SKAP1: variants seen among roughly 807,000 people sequenced by gnomAD.
The protein encoded by SKAP1 is src kinase associated phosphoprotein 1, also known as src kinase-associated phosphoprotein 1.
In SKAP1, 44 loss-of-function variants were observed where a neutral mutation model predicts 58.5. The observed-to-expected ratio is 0.75, with a 90% CI of 0.59 to 0.97. The LOEUF is 0.97. Ranked by LOEUF, SKAP1 falls within the 50% of genes least tolerant of loss-of-function variation. The pLI is 0.00. For synonymous variants in SKAP1, 127 were observed against 149.7 expected, an observed-to-expected ratio of 0.85 and a Z score of 1.11; for missense variants, 390 against 435.2, an observed-to-expected ratio of 0.90 and a Z score of 0.92.
chr17:48,327,794 AT>A (rs1478242850), intron 4 of SKAP1, among the ~76,000 whole-genome samples: 1 of 151,408 alleles, frequency 6.6e-6, no homozygotes, highest in Non-Finnish European at 1.5e-5. Flanking sequence ...CCTGGCTAAT[AT>A]TTTTTTCTTC....
intron 7 of SKAP1, 63 bp from the exon 8 acceptor site, chr17:48,182,520 G>A (rs1285193300): frequency 1.7e-6 from 2 of 1,186,986 alleles, no homozygotes; most frequent in African/African-American, 1.5e-5. Context: ...TCTTGACAGG[G>A]ATGTCCAAGG....
chr17:48,231,953 G>A (rs981423247), intron 4 of SKAP1: 2 of 152,196 alleles, frequency 1.3e-5, no homozygotes, highest in Admixed American at 1.3e-4. Context: ...TTTATAATCT[G>A]AGAAACTGAA....
intron 11 of SKAP1, among the ~76,000 whole-genome samples, chr17:48,160,014 T>C (rs955989601): frequency 7.9e-5 from 12 of 152,126 alleles, no homozygotes; most frequent in Non-Finnish European, 1.3e-4. Context: ...AATACAATGG[T>C]ACAGGATGAA....
At position 48,175,525 on chromosome 17, in the gene SKAP1, A is replaced by C. The variant is rs553185428; in HGVS notation, c.826+4529T>G. 4.6e-5 allele frequency among the ~76,000 whole-genome samples: 7 copies of C among 152,362 alleles called. No homozygotes were observed. In the South Asian group the frequency reaches 1.4e-3, roughly 32 times the overall value. On this transcript the variant is annotated intron_variant, in intron 9 of 12. Transcript: ENST00000336915. ...CTCTGTTGTGTATTTGGTTATCTCA[A>C]CTGTTAGCTCAAAATATTCGCATCC...
intron 11 of SKAP1, among the ~76,000 whole-genome samples, chr17:48,138,767 C>T (rs988060064): frequency 6.6e-6 from 1 of 152,082 alleles, no homozygotes; most frequent in Non-Finnish European, 1.5e-5. Context: ...CCACCAGCCT[C>T]GGCCTTGCTA....
At chr17:48,138,648 G>T (rs1195971090) in intron 11 of SKAP1, among the ~76,000 whole-genome samples, 1 of 152,116 alleles carries the variant, frequency 6.6e-6, no homozygotes, top group Non-Finnish European at 1.5e-5. Context: ...GGGATTACAA[G>T]CGTGAGCCAC....
At chr17:48,418,017 G>A (rs527502601) in intron 1 of SKAP1, among the ~76,000 whole-genome samples, 1 of 152,176 alleles carries the variant, frequency 6.6e-6, no homozygotes, top group East Asian at 1.9e-4. Context: ...AAACCAGGGT[G>A]GGTGCAGTGC....
chr17:48,373,360 T>C (rs2067111024), intron 2 of SKAP1, among the ~76,000 whole-genome samples: 1 of 152,140 alleles, frequency 6.6e-6, no homozygotes, highest in Admixed American at 6.5e-5. Context: ...TCTAATCACC[T>C]CCCACCAGGT....
At chr17:48,423,956 T>C (rs2067824757) in intron 1 of SKAP1, among the ~76,000 whole-genome samples, 1 of 151,972 alleles carries the variant, frequency 6.6e-6, no homozygotes, top group Admixed American at 6.6e-5. Flanking sequence ...GTAAAACTAT[T>C]TGTGGAATAA....
chr17:48,415,543 C>T (rs2067722237), intron 1 of SKAP1, among the ~76,000 whole-genome samples: 1 of 152,082 alleles, frequency 6.6e-6, no homozygotes, highest in South Asian at 2.1e-4. Context: ...TTTTCATAGC[C>T]CTCTAAGCCT....
At chr17:48,182,284 G>A in intron 8 of SKAP1, 110 bp downstream of exon 8, 1 of 732,072 alleles carries the variant, frequency 1.4e-6, no homozygotes, top group Non-Finnish European at 2.4e-6. Context: ...GAAAGGTAGA[G>A]GTGAGAAAGG....
intron 1 of SKAP1, among the ~76,000 whole-genome samples, chr17:48,409,066 AG>A (rs1296736840): frequency 6.6e-6 from 1 of 152,248 alleles, no homozygotes; most frequent in East Asian, 1.9e-4. Context: ...ACATCAGGAT[AG>A]GCTGAGCTAC....
At chr17:48,423,658 C>G (rs9902452) in intron 1 of SKAP1, among the ~76,000 whole-genome samples, 1,957 of 152,180 alleles carry the variant, frequency 0.013, 41 homozygotes, top group African/African-American at 0.041. Flanking sequence ...TTATGGTCAA[C>G]AGCACAGTGT....
In SKAP1 at chr17:48,191,687, G is replaced by A. The variant is rs1342285807; in HGVS notation, c.281-2187C>T. ...AGTTATAAAAAGGTAGATCAGAAGA[G>A]CCTCTTTTTCTGTTTTTAAGTGTGT... On this transcript the variant is annotated intron_variant, in intron 4 of 12. Transcript: ENST00000336915. Among the ~76,000 whole-genome samples the A allele has an allele frequency of 1.1e-4, 17 of 152,222 alleles. No homozygotes were observed. The East Asian group carries it at 1.9e-3, about 17-fold the overall frequency.
intron 4 of SKAP1, among the ~76,000 whole-genome samples, chr17:48,238,002 T>C (rs1285237518): frequency 6.6e-6 from 1 of 152,020 alleles, no homozygotes; most frequent in Non-Finnish European, 1.5e-5. Flanking sequence ...GTTTTTTGTT[T>C]TTTGTTTTTG....
intron 9 of SKAP1, among the ~76,000 whole-genome samples, chr17:48,173,988 A>G (rs9893110): frequency 0.16 from 24,458 of 152,240 alleles, 2,665 homozygotes; most frequent in African/African-American, 0.3. Context: ...TGTATTTGCA[A>G]TGATAAAAAT....
At chr17:48,150,787 T>C (rs1284355701) in intron 11 of SKAP1, among the ~76,000 whole-genome samples, 1 of 152,172 alleles carries the variant, frequency 6.6e-6, no homozygotes. Context: ...CGGGTATTTA[T>C]AGGTGGAAAA....
intron 4 of SKAP1, among the ~76,000 whole-genome samples, chr17:48,333,038 T>C (rs1425932026): frequency 6.6e-6 from 1 of 152,196 alleles, no homozygotes; most frequent in East Asian, 1.9e-4. Flanking sequence ...TTGTGAAACC[T>C]TTTACCTAGG....
chr17:48,174,065 T>C (rs996059779), intron 9 of SKAP1, among the ~76,000 whole-genome samples: 2 of 152,170 alleles, frequency 1.3e-5, no homozygotes, highest in Non-Finnish European at 2.9e-5. Flanking sequence ...AATACAAAGA[T>C]GGAACAATAG....
Sources: gnomAD v4.1 joint callset for allele counts (sites outside exome capture counted in the v4.1 genomes callset) on GRCh38, gnomAD v4.1.1 for gene constraint, MANE v1.5 for transcripts, NCBI Gene and HGNC (gene_info 2026-07-23, HGNC 2026-07-21) for gene names.